Variants in MROH6 observed in about 807,000 individuals in gnomAD.
The protein encoded by MROH6 is maestro heat like repeat family member 6.
A neutral mutation model predicts 67.7 loss-of-function variants in MROH6; 62 were observed. The observed-to-expected ratio is 0.92, with a 90% CI of 0.75 to 1.13. MROH6 has a LOEUF of 1.13. Among genes scored for constraint, MROH6 ranks in the 50% most tolerant of loss-of-function variants. The pLI is 0.00. For missense variants in MROH6, 1,175 were observed against 1,029.1 expected, an observed-to-expected ratio of 1.14 and a Z score of -1.94; for synonymous variants, 566 against 470.8, an observed-to-expected ratio of 1.20 and a Z score of -2.62.
rs375602278 is a variant in MROH6 at position 143,568,257 on chromosome 8, G to A, written c.1649C>T (p.Ser550Leu). The A allele has an allele frequency of 1.2e-5, 20 of 1,608,230 alleles. No individual in the cohort carries two copies. The highest frequency in any genetic ancestry group is 1.7e-4 in the Middle Eastern group (1 of 5,968). The change falls in exon 11 of 14, where the codon TCA (serine) becomes TTA (leucine). Residue 550 changes from serine to leucine, a missense_variant. Ser to Leu is a moderately radical substitution (Grantham distance 145). Transcript: ENST00000398882. ...HDPSRDAAES[S>L]EWTLARCDHA... ...GTCACAGCGGGCCAGGGTCCACTCT[G>A]AGCTCTGGGATAGGGGAAGTGAGCC... is the stretch of plus-strand genomic sequence containing the variant.
In MROH6 at chr8:143,568,636, G is replaced by A. The variant is rs1417122364; in HGVS notation, c.1560C>T (p.Leu520=). Residue 520 remains leucine, a synonymous_variant, in exon 10 of 14, where the codon CTC becomes CTT. Transcript: ENST00000398882. ...GCACCAGCTTCCGCAGGGGGCCGCG[G>A]AGCCCCAGCCGGAGCCCGCCCCGGC... ...RRGRGGLRLG[L]RGPLRKLVLQ... is the part of the protein sequence containing the mutation. 1.3e-6 allele frequency: 2 copies of A among 1,536,932 alleles called. No individual in the cohort carries two copies. The highest frequency in any genetic ancestry group is 2.7e-5 in the African/African-American group (2 of 72,978).
chr8:143,567,982 A>G, intron 11 of MROH6, 94 bp from the exon 12 acceptor site: 1 of 1,427,692 alleles, frequency 7.0e-7, no homozygotes, highest in Non-Finnish European at 9.3e-7. Context: ...GTTCCAGGGG[A>G]GCCCCCAGGG....
rs1587026540 is a variant in MROH6, at chr8:143,571,760, C to T, written c.509G>A (p.Trp170Ter). The T allele has an allele frequency of 6.5e-7, 1 of 1,548,624 alleles. No homozygotes were observed. The highest frequency in any genetic ancestry group is 1.4e-5 in the African/African-American group (1 of 73,134). Reference protein sequence around the residue: ...QVPSLAEGRPWRAALRVLSAL... With the variant: ...QVPSLAEGRP ...GCTCAGCACTCGCAGGGCCGCCCTC[C>T]AGGGCCTCCCCTCCGCTAGGCTGGG... Residue 170 changes from tryptophan to a stop codon, truncating the protein, a stop_gained, in exon 3 of 14, where the codon TGG becomes TAG. Transcript: ENST00000398882. LOFTEE classifies it high-confidence loss of function.
chr8:143,571,865 C>T (rs979392227), intron 2 of MROH6, 44 bp from the exon 3 acceptor site: 1 of 1,517,184 alleles, frequency 6.6e-7, no homozygotes, highest in Non-Finnish European at 8.9e-7. Context: ...GCCTCCTCCA[C>T]CGTCCATTCC....
intron 10 of MROH6, 26 bp from the exon 11 acceptor site, chr8:143,568,287 C>G (rs760284783): frequency 6.3e-7 from 1 of 1,586,618 alleles, no homozygotes; most frequent in Non-Finnish European, 8.6e-7. Flanking sequence ...TGAGCCGGGT[C>G]AGGGGTCCAG....
intron 9 of MROH6, chr8:143,569,011 CG>C: frequency 2.9e-5 from 1 of 34,806 alleles, no homozygotes; most frequent in Non-Finnish European, 4.9e-5. Flanking sequence ...GCGGGAGGGG[CG>C]GGGGCGGTCA....
Position 143,568,578 on chromosome 8 carries a change from G to T in MROH6, c.1618C>A (p.His540Asn). 6.5e-7 allele frequency: 1 copy of T among 1,547,186 alleles called. No homozygotes were observed. Among genetic ancestry groups the T allele is most frequent in the Non-Finnish European group, 8.7e-7 (1 of 1,153,154 alleles). Reference protein sequence around the residue: ...QSLVPLLLRLHDPSRDAAESS... With the variant: ...QSLVPLLLRLNDPSRDAAESS... ...TCAGCAGCGTCCCTGCTGGGGTCAT[G>T]CAGGCGCAGCAGCAGCGGCACGAGA... Residue 540 changes from histidine (H) to asparagine (N), a missense_variant, in exon 10 of 14, where the codon CAT becomes AAT. Coordinates refer to ENST00000398882, the MANE Select transcript of MROH6 (RefSeq NM_001100878.2).
chr8:143,570,849 C>G, intron 4 of MROH6, 28 bp downstream of exon 4: 2 of 1,435,016 alleles, frequency 1.4e-6, no homozygotes, highest in Non-Finnish European at 1.9e-6. Context: ...CCCGCCCCCA[C>G]CCCCTGGTAA....
In MROH6 at chr8:143,570,331, T is replaced by C; in HGVS notation, c.955A>G (p.Met319Val). Residue 319 changes from methionine (M) to valine (V), a missense_variant, in exon 6 of 14, where the codon ATG (methionine) becomes GTG (valine). Met to Val is a conservative substitution (Grantham distance 21). Transcript: ENST00000398882. Reference protein sequence around the residue: ...KALLTGDGGRMVVTCMEQAGG... With the variant: ...KALLTGDGGRVVVTCMEQAGG... ...GCCTGCTCCATGCACGTGACCACCA[T>C]GCGGCCTCCATCCCCGGTGAGCAGC... 3 of 1,610,326 alleles carry C rather than the reference T, an allele frequency of 1.9e-6. No individual in the cohort carries two copies. The South Asian group carries it at 3.3e-5, about 18-fold the overall frequency.
rs1411562360 is a variant in MROH6, at chr8:143,569,360, G to A, written c.1476+81C>T. ...GGGCCTGGGCGGGAGAGACGGGGGC[G>A]GGGCCTGGGAGGGAGAGACTGGAAG... On this transcript the variant is annotated intron_variant, in intron 9 of 13. Coordinates refer to ENST00000398882, the MANE Select transcript of MROH6 (RefSeq NM_001100878.2). 100 of 1,243,800 alleles carry A rather than the reference G, an allele frequency of 8.0e-5. 1 individual carries two copies. The highest frequency in any genetic ancestry group is 2.9e-4 in the Middle Eastern group (1 of 3,466). 77.0% of individuals were successfully genotyped at this position (1,243,800 alleles called of 1,614,324 possible).
In MROH6 at chr8:143,569,528, G is replaced by A; in HGVS notation, c.1389C>T (p.Ala463=). ...GGGGCCGCAGCAGGAGCCTCCTCAG[G>A]GCGCCCAGCGCTGCACCCACGAGCC... ...DARLVGAALG[A]LRRLLLRPRA... is the part of the protein sequence containing the mutation. Residue 463 remains alanine (A), a synonymous_variant, in exon 9 of 14, where the codon GCC becomes GCT. Coordinates refer to ENST00000398882, the MANE Select transcript of MROH6 (RefSeq NM_001100878.2). 6.6e-7 allele frequency: 1 copy of A among 1,507,322 alleles called. No individual in the cohort carries two copies. Among genetic ancestry groups the A allele is most frequent in the Non-Finnish European group, 8.8e-7 (1 of 1,136,186 alleles). 93.4% of individuals were successfully genotyped at this position (1,507,322 alleles called of 1,614,324 possible).
At position 143,572,463 on chromosome 8, in the gene MROH6, G is replaced by T; in HGVS notation, c.252C>A (p.Ser84=). 6.3e-7 allele frequency: 1 copy of T among 1,599,578 alleles called. No homozygotes were observed. ...TVPEAGSEPC[S]LNSALEPAPE... is the part of the protein sequence containing the mutation. Reference sequence around the variant, plus strand: ...GGGCTGGTTCCAGGGCACTGTTGAGGGAGCAGGGCTCGCTGCCAGCTTCAG... The same window carrying T: ...GGGCTGGTTCCAGGGCACTGTTGAGTGAGCAGGGCTCGCTGCCAGCTTCAG... The change falls in exon 1 of 14, where the codon TCC becomes TCA. Residue 84 remains serine (S), a synonymous_variant. Coordinates refer to ENST00000398882, the MANE Select transcript of MROH6 (RefSeq NM_001100878.2).
intron 9 of MROH6, 50 bp downstream of exon 9, chr8:143,569,391 G>A (rs1292041267): frequency 7.3e-7 from 1 of 1,363,512 alleles, no homozygotes; most frequent in South Asian, 1.6e-5. Flanking sequence ...GGAAGGGCGG[G>A]GGCGGTGACA....
In MROH6 at chr8:143,570,937, C is replaced by CA; in HGVS notation, c.659dup (p.Leu221AlafsTer79). On this transcript the variant is annotated frameshift_variant, in exon 4 of 14. Transcript: ENST00000398882. LOFTEE classifies it high-confidence loss of function. ...TCAGCGCCCACAGCAGTTGCACCAG[C>CA]ACCTGCCCATTTACACGCTGGTTAC... is the stretch of plus-strand genomic sequence containing the variant. The CA allele has an allele frequency of 6.5e-7, 1 of 1,549,132 alleles. No homozygotes were observed. Among genetic ancestry groups the CA allele is most frequent in the Non-Finnish European group, 8.7e-7 (1 of 1,146,930 alleles).
rs1180635110 is a variant in MROH6, at chr8:143,569,830, C to G, written c.1169G>C (p.Ser390Thr). The G allele has an allele frequency of 2.5e-6, 4 of 1,611,036 alleles. No individual in the cohort carries two copies. The East Asian group carries it at 8.9e-5, about 36-fold the overall frequency. The change falls in exon 8 of 14, where the codon AGC becomes ACC. Residue 390 changes from serine (S) to threonine (T), a missense_variant. Ser to Thr is a moderately conservative substitution (Grantham distance 58, BLOSUM62 1). Coordinates refer to ENST00000398882, the MANE Select transcript of MROH6 (RefSeq NM_001100878.2). ...CCGCAGGAGCCGTGCGGTGGGCCGG[C>G]TCTGCAACAGCTAGGCGAGGCACAT... ...AMAFFTGLLQ[S>T]RPTARLLREE...
At position 143,572,594 on chromosome 8, in the gene MROH6, C is replaced by A. The variant is rs771686289; in HGVS notation, c.121G>T (p.Ala41Ser). Residue 41 changes from alanine (A) to serine (S), a missense_variant, in exon 1 of 14, where the codon GCA becomes TCA. By Grantham distance (99) the Ala-to-Ser change is moderately conservative. Transcript: ENST00000398882. ...TCCCAGGACTTGGGCTGAGGGCCTG[C>A]GGAAGGGGGTCCCTGGGGCTGCCCC... ...RQGQPQGPPS[A>S]GPQPKSWEVK... 1.9e-6 allele frequency: 3 copies of A among 1,600,828 alleles called. No individual in the cohort carries two copies. Among genetic ancestry groups the A allele is most frequent in the Non-Finnish European group, 2.6e-6 (3 of 1,175,960 alleles).
rs2130640872 is a variant in MROH6, at chr8:143,570,070, G to A, written c.1044-5C>T. The stretch of plus-strand genomic sequence containing the variant: ...TCGGCATGTGCCACCATAGCACTGG[G>A]GTGGGTGGAAATGGGAGCTCTCGCT... On this transcript the variant is annotated splice_region_variant and splice_polypyrimidine_tract_variant and intron_variant, in intron 6 of 13. Transcript: ENST00000398882. 1 of 1,608,298 alleles carries A rather than the reference G, an allele frequency of 6.2e-7. No homozygotes were observed. The highest frequency in any genetic ancestry group is 2.2e-5 in the East Asian group (1 of 44,836).
At position 143,568,161 on chromosome 8, in the gene MROH6, C is replaced by G. The variant is rs1484411630; in HGVS notation, c.1745G>C (p.Ser582Thr). The G allele has an allele frequency of 2.5e-6, 4 of 1,608,846 alleles. No individual in the cohort carries two copies. The East Asian group carries it at 8.9e-5, about 36-fold the overall frequency. ...ACTGACCAGGCGGCAGCAGAGGTGG[C>G]TCAGGGCCTCGGGGCTGTCATAGTG... ...VAHYDSPEAL[S>T]HLCCRLVQRY... Residue 582 changes from serine (S) to threonine (T), a missense_variant, in exon 11 of 14, where the codon AGC becomes ACC. Physicochemically the swap from Ser to Thr is moderately conservative, Grantham distance 58. Transcript: ENST00000398882.
Position 143,572,631 on chromosome 8 carries a change from G to C in MROH6, c.84C>G (p.Ile28Met), listed in dbSNP as rs1365771847. The C allele has an allele frequency of 1.9e-6, 3 of 1,584,282 alleles. No homozygotes were observed. The highest frequency in any genetic ancestry group is 1.7e-6 in the Non-Finnish European group (2 of 1,170,340). Residue 28 changes from isoleucine to methionine, a missense_variant, in exon 1 of 14, where the codon ATC becomes ATG. Transcript: ENST00000398882. ...ALTLTALTEG[I>M]RARQGQPQGP... is the part of the protein sequence containing the mutation. ...CCTGGGGCTGCCCCTGCCTGGCCCGGATTCCTTCAGTCAGTGCTGTCAGGG... is the reference window on the plus strand; with the variant it reads ...CCTGGGGCTGCCCCTGCCTGGCCCGCATTCCTTCAGTCAGTGCTGTCAGGG...
Sources: allele counts gnomAD v4.1 joint callset, GRCh38; gene constraint gnomAD v4.1.1; transcripts MANE v1.5; gene names NCBI Gene and HGNC (gene_info 2026-07-23, HGNC 2026-07-21).